TBC1D15: variants seen among roughly 807,000 people sequenced by gnomAD.
TBC1D15 encodes the protein TBC1 domain family member 15.
Under a neutral mutation model 95.4 loss-of-function variants are expected in TBC1D15, and 39 were observed. The ratio of observed to expected loss-of-function variants is 0.41; its 90% CI spans 0.32 to 0.53. The LOEUF (loss-of-function observed/expected upper bound fraction) is 0.53. TBC1D15 is among the 20% of genes least tolerant of loss of function. The pLI, the probability that TBC1D15 is intolerant of heterozygous loss-of-function variation, is 0.29. For synonymous variants in TBC1D15, 258 were observed against 261.3 expected, an observed-to-expected ratio of 0.99 and a Z score of 0.12; for missense variants, 733 against 794.3, an observed-to-expected ratio of 0.92 and a Z score of 0.93.
intron 1 of TBC1D15, among the ~76,000 whole-genome samples, chr12:71,865,266 C>T (rs1592720374): frequency 6.6e-6 from 1 of 152,180 alleles, no homozygotes; most frequent in Non-Finnish European, 1.5e-5. Flanking sequence ...CACTGAGTCA[C>T]TCTCTAGCAG....
intron 1 of TBC1D15, among the ~76,000 whole-genome samples, chr12:71,844,801 A>G (rs568533492): frequency 6.6e-6 from 1 of 152,298 alleles, no homozygotes; most frequent in East Asian, 1.9e-4. Context: ...GCATTCCTCT[A>G]TTACACTCTA....
intron 5 of TBC1D15, among the ~76,000 whole-genome samples, chr12:71,886,263 G>A (rs549767594): frequency 6.6e-6 from 1 of 152,200 alleles, no homozygotes; most frequent in Admixed American, 6.5e-5. Context: ...CTGCCTCGTG[G>A]GTTCAGACAG....
chr12:71,894,507 T>G (rs1285660423), intron 6 of TBC1D15, 179 bp from the exon 7 acceptor site: 1 of 1,196,488 alleles, frequency 8.4e-7, no homozygotes, highest in South Asian at 1.4e-5. Context: ...AATGATTGGC[T>G]TAGAAAATTT....
At chr12:71,872,623 A>G (rs555513661) in intron 2 of TBC1D15, among the ~76,000 whole-genome samples, 1 of 152,288 alleles carries the variant, frequency 6.6e-6, no homozygotes, top group East Asian at 1.9e-4. Flanking sequence ...CATTGCTTTT[A>G]CACCATCCTA....
intron 4 of TBC1D15, among the ~76,000 whole-genome samples, chr12:71,883,215 C>G (rs777589654): frequency 2.0e-5 from 3 of 151,004 alleles, no homozygotes; most frequent in Non-Finnish European, 2.9e-5. Context: ...TCTAGGTAGT[C>G]TAAGTACATT....
chr12:71,914,008 T>G (rs1259755236), intron 12 of TBC1D15, 82 bp downstream of exon 12: 40 of 1,029,846 alleles, frequency 3.9e-5, no homozygotes, highest in Non-Finnish European at 5.4e-5. Context: ...GATTTTTATA[T>G]TTAGCCAACT....
chr12:71,894,226 C>T, intron 6 of TBC1D15: 1 of 933,202 alleles, frequency 1.1e-6, no homozygotes, highest in African/African-American at 1.7e-5. Flanking sequence ...AAAATGTCAA[C>T]TAATATTTAA....
chr12:71,885,241 C>T (rs1438402295), intron 5 of TBC1D15, among the ~76,000 whole-genome samples: 1 of 152,034 alleles, frequency 6.6e-6, no homozygotes, highest in Non-Finnish European at 1.5e-5. Context: ...ATTACTGTTA[C>T]AAAGAAAAGG....
chr12:71,892,310 C>T (rs956059691), intron 5 of TBC1D15, among the ~76,000 whole-genome samples: 5 of 152,020 alleles, frequency 3.3e-5, no homozygotes, highest in African/African-American at 1.2e-4. Flanking sequence ...ATTACTGTTA[C>T]ATCCTGTTAT....
At chr12:71,914,734 A>G (rs1270836030) in intron 12 of TBC1D15, among the ~76,000 whole-genome samples, 22 of 152,016 alleles carry the variant, frequency 1.4e-4, no homozygotes, top group Admixed American at 1.4e-3. Flanking sequence ...TGCAAGGGAT[A>G]AACATTTTGA....
chr12:71,852,103 T>A (rs1420193514), intron 1 of TBC1D15, among the ~76,000 whole-genome samples: 2 of 152,230 alleles, frequency 1.3e-5, no homozygotes, highest in Non-Finnish European at 2.9e-5. Flanking sequence ...AAGCTTCAGC[T>A]GTTGCATTCT....
chr12:71,876,086 C>T (rs1565990078), intron 3 of TBC1D15, among the ~76,000 whole-genome samples: 2 of 152,166 alleles, frequency 1.3e-5, no homozygotes, highest in South Asian at 2.1e-4. Context: ...AGACACTACA[C>T]CTAGCCCTAA....
chr12:71,920,677 G>A (rs1868945247), intron 14 of TBC1D15, 54 bp from the exon 15 acceptor site: 1 of 1,306,144 alleles, frequency 7.7e-7, no homozygotes, highest in Non-Finnish European at 1.1e-6. Context: ...TATCTGTGAG[G>A]AAAATGTTTT....
At chr12:71,911,957 A>T (rs181602634) in intron 11 of TBC1D15, among the ~76,000 whole-genome samples, 2 of 152,278 alleles carry the variant, frequency 1.3e-5, no homozygotes, top group African/African-American at 4.8e-5. Flanking sequence ...ATAACTTAAT[A>T]ATAAAGCACT....
chr12:71,914,018 T>C, intron 12 of TBC1D15, 92 bp downstream of exon 12: 1 of 935,474 alleles, frequency 1.1e-6, no homozygotes, highest in Non-Finnish European at 1.5e-6. Context: ...TTTAGCCAAC[T>C]ATGATGGAAC....
chr12:71,911,812 A>G (rs1417260482), intron 11 of TBC1D15, among the ~76,000 whole-genome samples: 2 of 152,120 alleles, frequency 1.3e-5, no homozygotes, highest in Admixed American at 1.3e-4. Flanking sequence ...AAAATAGATT[A>G]AAGGCAACCA....
At chr12:71,861,602 G>A in intron 1 of TBC1D15, 1 of 1,021,054 alleles carries the variant, frequency 9.8e-7, no homozygotes, top group Non-Finnish European at 1.3e-6. Flanking sequence ...TTCTTGGTTT[G>A]TATAAGTAAT....
intron 11 of TBC1D15, among the ~76,000 whole-genome samples, chr12:71,908,223 G>A (rs1458655898): frequency 1.3e-5 from 2 of 152,088 alleles, no homozygotes; most frequent in Non-Finnish European, 2.9e-5. Context: ...ATTACCTGGG[G>A]GAGGGACGCT....
chr12:71,856,579 T>C (rs1238513541), intron 1 of TBC1D15, among the ~76,000 whole-genome samples: 1 of 152,140 alleles, frequency 6.6e-6, no homozygotes, highest in East Asian at 1.9e-4. Context: ...ATTTTTTTCT[T>C]TTTTTTCCTG....
Sources: gnomAD v4.1 joint callset for allele counts (sites outside exome capture counted in the v4.1 genomes callset) on GRCh38, gnomAD v4.1.1 for gene constraint, MANE v1.5 for transcripts, NCBI Gene and HGNC (gene_info 2026-07-23, HGNC 2026-07-21) for gene names.